Variants in SLC39A12 observed in about 807,000 individuals in gnomAD.
The protein encoded by SLC39A12 is solute carrier family 39 member 12, also known as zinc transporter ZIP12.
In SLC39A12, 63 loss-of-function variants were observed where a neutral mutation model predicts 71.1. The ratio of observed to expected loss-of-function variants is 0.89; its 90% CI spans 0.72 to 1.09. The LOEUF (loss-of-function observed/expected upper bound fraction) is 1.09. SLC39A12 is among the 50% of genes least tolerant of loss of function. The pLI is 0.00. For synonymous variants in SLC39A12, 351 were observed against 301.3 expected (o/e 1.16, Z -1.71); for missense variants, 892 against 812.6 (o/e 1.10, Z -1.19).
chr10:17,973,656 G>A lies in SLC39A12; in HGVS notation c.752-4246G>A, dbSNP rs115844269. 5.6e-3 allele frequency among the ~76,000 whole-genome samples: 856 copies of A among 152,130 alleles called. 10 individuals carry two copies. Among genetic ancestry groups the A allele is most frequent in the African/African-American group, 0.02 (813 of 41,510 alleles). On this transcript the variant is annotated intron_variant, in intron 4 of 12. Transcript: ENST00000377369. ...GTTCCTTTTCTCCTCCTGCTTTTAG[G>A]ATCCTTTCTTTATCTTTGATCTTTG...
At chr10:18,036,790 A>ATTTTTTTTTTTTTTT (rs1464293480) in intron 12 of SLC39A12, among the ~76,000 whole-genome samples, 2 of 69,244 alleles carry the variant, frequency 2.9e-5, no homozygotes, top group African/African-American at 1.2e-4. Flanking sequence ...ATATATATAT[A>ATTTTTTTTTTTTTTT]TATATTTTTT....
intron 12 of SLC39A12, among the ~76,000 whole-genome samples, chr10:18,006,769 C>G (rs1836033178): frequency 6.6e-6 from 1 of 152,198 alleles, no homozygotes; most frequent in African/African-American, 2.4e-5. Flanking sequence ...CCCATCTCCA[C>G]TTCCAGGTTA....
intron 12 of SLC39A12, among the ~76,000 whole-genome samples, chr10:18,018,454 T>C (rs9988726): frequency 0.091 from 13,852 of 152,150 alleles, 1,189 homozygotes; most frequent in African/African-American, 0.23. Flanking sequence ...TCCTTGCCTT[T>C]CTTCTGATTT....
chr10:17,974,892 A>G (rs1035101709), intron 4 of SLC39A12, among the ~76,000 whole-genome samples: 1 of 152,106 alleles, frequency 6.6e-6, no homozygotes, highest in Non-Finnish European at 1.5e-5. Flanking sequence ...GAGGTGCCAT[A>G]CAGGAGCCAG....
intron 12 of SLC39A12, among the ~76,000 whole-genome samples, chr10:18,007,491 A>T (rs902880772): frequency 1.3e-5 from 2 of 152,166 alleles, no homozygotes; most frequent in Non-Finnish European, 2.9e-5. Context: ...GGGTTCTTGG[A>T]TCTTGTGCAA....
chr10:17,974,435 T>G (rs566845488), intron 4 of SLC39A12, among the ~76,000 whole-genome samples: 2 of 152,320 alleles, frequency 1.3e-5, no homozygotes, highest in African/African-American at 2.4e-5. Context: ...TACAAAGGAC[T>G]TAGGTGTATG....
intron 12 of SLC39A12, among the ~76,000 whole-genome samples, chr10:18,036,782 A>ATTTTTTTTTTTTT (rs1564665979): frequency 2.8e-4 from 2 of 7,264 alleles, no homozygotes; most frequent in Non-Finnish European, 6.3e-4. Context: ...ATATATATAT[A>ATTTTTTTTTTTTT]TATATATATA....
intron 2 of SLC39A12, among the ~76,000 whole-genome samples, chr10:17,958,291 C>T (rs1834600600): frequency 6.6e-6 from 1 of 152,142 alleles, no homozygotes; most frequent in Non-Finnish European, 1.5e-5. Context: ...CTCATGGCCC[C>T]ATGAGCGTCC....
chr10:17,953,661 C>T (rs1834465935), intron 2 of SLC39A12, 124 bp downstream of exon 2: 2 of 1,138,644 alleles, frequency 1.8e-6, no homozygotes, highest in East Asian at 5.1e-5. Flanking sequence ...TTGAGCAATG[C>T]ATTCTGGTAA....
Position 17,994,886 on chromosome 10 carries a change from C to T in SLC39A12, c.1534-770C>T, listed in dbSNP as rs748225840. ...CAACTTTGGGAGATAGACTTCTATG[C>T]ATATGCTTTTAAAAGGACATATTTA... On this transcript the variant is annotated intron_variant, in intron 9 of 12. Coordinates refer to ENST00000377369, the MANE Select transcript of SLC39A12 (RefSeq NM_001145195.2). Among the ~76,000 whole-genome samples, 7 of 152,238 alleles carry T rather than the reference C, an allele frequency of 4.6e-5. No homozygotes were observed. The East Asian group carries it at 9.6e-4, about 21-fold the overall frequency.
intron 6 of SLC39A12, among the ~76,000 whole-genome samples, chr10:17,986,479 G>GCCCT (rs1835400886): frequency 6.6e-6 from 1 of 152,122 alleles, no homozygotes; most frequent in Admixed American, 6.5e-5. Context: ...CTGGTTCATG[G>GCCCT]ACTGGTGAAG....
chr10:17,964,534 C>G (rs1014215647), intron 3 of SLC39A12, among the ~76,000 whole-genome samples: 6 of 152,148 alleles, frequency 3.9e-5, no homozygotes, highest in African/African-American at 1.4e-4. Flanking sequence ...TGTAGGCACT[C>G]AAATGTCTGA....
chr10:17,954,629 G>A (rs1424073592), intron 2 of SLC39A12, among the ~76,000 whole-genome samples: 3 of 152,012 alleles, frequency 2.0e-5, no homozygotes, highest in African/African-American at 7.3e-5. Context: ...GATGGAAGGA[G>A]GTGAGAACTC....
chr10:18,036,788 A>ATTTT lies in SLC39A12; in HGVS notation c.1948-5916_1948-5915insTTTT, dbSNP rs1319675306. On this transcript the variant is annotated intron_variant, in intron 12 of 12. Coordinates refer to ENST00000377369, the MANE Select transcript of SLC39A12 (RefSeq NM_001145195.2). ...TATATATATATATATATATATATATATATATATTTTTTTTTTTAATGGAAT... is the reference window on the plus strand; with the variant it reads ...TATATATATATATATATATATATATATTTTTATATATTTTTTTTTTTAATGGAAT... Among the ~76,000 whole-genome samples, 28 of 17,016 alleles carry ATTTT rather than the reference A, an allele frequency of 1.6e-3. 3 individuals carry two copies. The highest frequency in any genetic ancestry group is 4.4e-3 in the African/African-American group (25 of 5,646). 11.2% of individuals were successfully genotyped at this position (17,016 alleles called of 152,430 possible).
At chr10:17,973,439 T>C (rs1159624861) in intron 4 of SLC39A12, among the ~76,000 whole-genome samples, 1 of 152,186 alleles carries the variant, frequency 6.6e-6, no homozygotes, top group African/African-American at 2.4e-5. Flanking sequence ...ATAAAATCCC[T>C]CAGCTTTTGC....
chr10:17,981,222 C>G lies in SLC39A12; in HGVS notation c.925-90C>G, dbSNP rs557980170. 3 of 1,183,626 alleles carry G rather than the reference C, an allele frequency of 2.5e-6. No individual in the cohort carries two copies. The East Asian group carries it at 7.2e-5, about 28-fold the overall frequency. The allele number at this position is 1,183,626 out of a possible 1,614,324, so 73.3% of individuals were successfully genotyped here. ...CATGTGTGTGTTCTCGCTATTCCAT[C>G]TAGAATTCACTCCTCAAGGATGACA... is the stretch of plus-strand genomic sequence containing the variant. On this transcript the variant is annotated intron_variant, in intron 5 of 12. Coordinates refer to ENST00000377369, the MANE Select transcript of SLC39A12 (RefSeq NM_001145195.2).
rs185317220 is a variant in SLC39A12, at chr10:18,022,506, C to G, written c.1947+19148C>G. On this transcript the variant is annotated intron_variant, in intron 12 of 12. Transcript: ENST00000377369. Reference sequence around the variant, plus strand: ...TCACTTTTGTTCTTTCTTAAAATGGCTATTTTATCTTTCATTCTCTTGAAT... The same window carrying G: ...TCACTTTTGTTCTTTCTTAAAATGGGTATTTTATCTTTCATTCTCTTGAAT... Among the ~76,000 whole-genome samples, 662 of 152,084 alleles carry G rather than the reference C, an allele frequency of 4.4e-3. 3 individuals carry two copies. Among genetic ancestry groups the G allele is most frequent in the African/African-American group, 0.015 (632 of 41,504 alleles).
chr10:18,026,668 T>C (rs896630212), intron 12 of SLC39A12, among the ~76,000 whole-genome samples: 1 of 152,118 alleles, frequency 6.6e-6, no homozygotes, highest in Non-Finnish European at 1.5e-5. Context: ...CCTTTTGTAG[T>C]TGTCCCATAG....
At chr10:18,042,463 G>GAAAAAAAAAAAAAAAAAAAAAA (rs551298382) in intron 12 of SLC39A12, among the ~76,000 whole-genome samples, 1 of 115,058 alleles carries the variant, frequency 8.7e-6, no homozygotes, top group Non-Finnish European at 1.7e-5. Flanking sequence ...TGCCTCAAAA[G>GAAAAAAAAAAAAAAAAAAAAAA]AAAAAAAAAA....
Sources: allele counts gnomAD v4.1 joint callset (sites outside exome capture counted in the v4.1 genomes callset), GRCh38; gene constraint gnomAD v4.1.1; transcripts MANE v1.5; gene names NCBI Gene and HGNC (gene_info 2026-07-23, HGNC 2026-07-21).